PPP2R5E: variants seen among roughly 807,000 people sequenced by gnomAD.
The protein encoded by PPP2R5E is serine/threonine-protein phosphatase 2A 56 kDa regulatory subunit epsilon isoform.
In PPP2R5E, 4 loss-of-function variants were observed where a neutral mutation model predicts 65.3. The ratio of observed to expected loss-of-function variants is 0.06; its 90% CI spans 0.03 to 0.14. PPP2R5E has a LOEUF of 0.14. PPP2R5E is among the 10% of genes least tolerant of loss of function. The pLI, the probability that PPP2R5E is intolerant of heterozygous loss-of-function variation, is 1.00. For synonymous variants in PPP2R5E, 183 were observed against 187.4 expected, an observed-to-expected ratio of 0.98 and a Z score of 0.19; for missense variants, 274 against 556.1, an observed-to-expected ratio of 0.49 and a Z score of 5.10.
chr14:63,483,530 C>T (rs1890816937), intron 2 of PPP2R5E, among the ~76,000 whole-genome samples: 1 of 152,162 alleles, frequency 6.6e-6, no homozygotes, highest in Non-Finnish European at 1.5e-5. Context: ...GTACACAGCG[C>T]ATTCACGGCA....
chr14:63,520,874 AAAAAAAAAAAAAC>A (rs1369696490), intron 2 of PPP2R5E, among the ~76,000 whole-genome samples: 13 of 103,238 alleles, frequency 1.3e-4, no homozygotes, highest in African/African-American at 6.7e-4. Flanking sequence ...AAAAAAAAAA[AAAAAAAAAAAAAC>A]AATTAGCCGG....
intron 2 of PPP2R5E, among the ~76,000 whole-genome samples, chr14:63,524,863 C>T (rs369527215): frequency 2.6e-5 from 4 of 152,296 alleles, no homozygotes; most frequent in Admixed American, 6.5e-5. Context: ...TTTCTCACCA[C>T]CTTCAGTCTC....
At chr14:63,513,356 T>G (rs1028931156) in intron 2 of PPP2R5E, among the ~76,000 whole-genome samples, 1 of 152,160 alleles carries the variant, frequency 6.6e-6, no homozygotes, top group Non-Finnish European at 1.5e-5. Context: ...AATGAAGAAC[T>G]TGGAAAATGA....
chr14:63,412,538 AG>A (rs1489582767), intron 5 of PPP2R5E, among the ~76,000 whole-genome samples: 2 of 152,226 alleles, frequency 1.3e-5, no homozygotes, highest in African/African-American at 4.8e-5. Flanking sequence ...AGGATACTGA[AG>A]GCTTCAAAAC....
chr14:63,526,512 GTCTC>G (rs368772506), intron 2 of PPP2R5E, among the ~76,000 whole-genome samples: 1 of 151,938 alleles, frequency 6.6e-6, no homozygotes, highest in Non-Finnish European at 1.5e-5. Flanking sequence ...CTGTCTCTCT[GTCTC>G]TCTTTCTCTT....
intron 5 of PPP2R5E, among the ~76,000 whole-genome samples, chr14:63,398,027 C>T (rs1048445586): frequency 1.3e-5 from 2 of 152,140 alleles, no homozygotes; most frequent in Non-Finnish European, 1.5e-5. Flanking sequence ...CCATGCCTGG[C>T]TGTGAATAAC....
At chr14:63,397,782 G>A (rs1397923811) in intron 5 of PPP2R5E, among the ~76,000 whole-genome samples, 2 of 148,814 alleles carry the variant, frequency 1.3e-5, no homozygotes, top group Admixed American at 6.7e-5. Context: ...GGAGTGCAGT[G>A]GCACGATCTC....
intron 2 of PPP2R5E, among the ~76,000 whole-genome samples, chr14:63,467,141 GC>G (rs1437864127): frequency 6.6e-6 from 1 of 151,350 alleles, no homozygotes; most frequent in Non-Finnish European, 1.5e-5. Flanking sequence ...CAGGAGAATG[GC>G]ATGGACCTGG....
chr14:63,521,114 C>T (rs1472154688), intron 2 of PPP2R5E, among the ~76,000 whole-genome samples: 1 of 152,160 alleles, frequency 6.6e-6, no homozygotes, highest in African/African-American at 2.4e-5. Context: ...AGTATGAATA[C>T]AGTCTACCAC....
At position 63,501,968 on chromosome 14, in the gene PPP2R5E, C is replaced by A. The variant is rs185860421; in HGVS notation, c.157+37561G>T. ...GGAGTGCAGTGGCGAGATCTCAGCT[C>A]ACTGCAGCCTCCACCTCCAAGGTTC... On this transcript the variant is annotated intron_variant, in intron 2 of 13. Coordinates refer to ENST00000337537, the MANE Select transcript of PPP2R5E (RefSeq NM_006246.5). 2.6e-3 allele frequency among the ~76,000 whole-genome samples: 393 copies of A among 152,282 alleles called. 1 individual carries two copies. The highest frequency in any genetic ancestry group is 6.8e-3 in the Middle Eastern group (2 of 294).
chr14:63,491,200 C>T (rs934151727), intron 2 of PPP2R5E, among the ~76,000 whole-genome samples: 3 of 151,570 alleles, frequency 2.0e-5, no homozygotes, highest in Non-Finnish European at 4.4e-5. Flanking sequence ...CATAAAGATA[C>T]GAACAATAAA....
chr14:63,459,002 T>C (rs923684378), intron 2 of PPP2R5E, among the ~76,000 whole-genome samples: 1 of 152,160 alleles, frequency 6.6e-6, no homozygotes, highest in African/African-American at 2.4e-5. Flanking sequence ...AACTTTCTCT[T>C]AAGATGTACA....
Position 63,419,331 on chromosome 14 carries a change from C to T in PPP2R5E, c.456+2662G>A, listed in dbSNP as rs181448370. Among the ~76,000 whole-genome samples the T allele has an allele frequency of 6.0e-4, 91 of 152,180 alleles. 1 individual carries two copies. The highest frequency in any genetic ancestry group is 2.0e-4 in the Admixed American group (3 of 15,288). ...GCAAAATGTGTTCCAGAAAAGGAAGCGTACTGCTAATTATGAAGTTAATAA... is the reference window on the plus strand; with the variant it reads ...GCAAAATGTGTTCCAGAAAAGGAAGTGTACTGCTAATTATGAAGTTAATAA... On this transcript the variant is annotated intron_variant, in intron 4 of 13. Coordinates refer to ENST00000337537, the MANE Select transcript of PPP2R5E (RefSeq NM_006246.5).
Position 63,395,242 on chromosome 14 carries a change from G to A in PPP2R5E, c.724C>T (p.Leu242=), listed in dbSNP as rs1251908856. Residue 242 remains leucine, a synonymous_variant, in exon 7 of 14, where the codon CTG becomes TTG. Coordinates refer to ENST00000337537, the MANE Select transcript of PPP2R5E (RefSeq NM_006246.5). ...CGTGCTCACCTTCCTAATATTTCCA[G>A]CAGTTCAGCTACACCATTGAAGTGT... The part of the protein sequence containing the change: ...TEHFNGVAEL[L]EILGSIINGF... The A allele has an allele frequency of 2.5e-6, 4 of 1,610,572 alleles. No individual in the cohort carries two copies. The highest frequency in any genetic ancestry group is 3.4e-6 in the Non-Finnish European group (4 of 1,177,462).
At chr14:63,503,731 C>T (rs74056132) in intron 2 of PPP2R5E, among the ~76,000 whole-genome samples, 20,363 of 152,112 alleles carry the variant, frequency 0.13, 1,491 homozygotes, top group African/African-American at 0.17. Flanking sequence ...TCATTAATAA[C>T]CTGTCTTCTC....
In PPP2R5E at chr14:63,375,926, A is replaced by C; in HGVS notation, c.*83T>G. 1 of 952,180 alleles carries C rather than the reference A, an allele frequency of 1.1e-6. No individual in the cohort carries two copies. Among genetic ancestry groups the C allele is most frequent in the East Asian group, 2.4e-5 (1 of 41,308 alleles). 59.0% of individuals were successfully genotyped at this position (952,180 alleles called of 1,614,324 possible). On this transcript the variant is annotated 3_prime_UTR_variant, in exon 14 of 14. Coordinates refer to ENST00000337537, the MANE Select transcript of PPP2R5E (RefSeq NM_006246.5). ...AAGGTGAAATCTACTGTAAAGTTGC[A>C]CAATACAGAAAACTGTTGCTCCATC... is the stretch of plus-strand genomic sequence containing the variant.
intron 2 of PPP2R5E, among the ~76,000 whole-genome samples, chr14:63,466,226 T>C (rs954619044): frequency 1.3e-5 from 2 of 150,874 alleles, no homozygotes; most frequent in African/African-American, 4.9e-5. Context: ...TAATTTATAG[T>C]TGATCAAAGA....
chr14:63,542,914 G>A lies in PPP2R5E; in HGVS notation c.-143C>T, dbSNP rs1161215401. On this transcript the variant is annotated 5_prime_UTR_variant, in exon 1 of 14. Transcript: ENST00000337537. ...GGTCCGGGCAGCTGCGGGGAGCCTGGGGCGACGGCTGTCCGGTACGGGGTC... is the reference window on the plus strand; with the variant it reads ...GGTCCGGGCAGCTGCGGGGAGCCTGAGGCGACGGCTGTCCGGTACGGGGTC... 1 of 152,966 alleles carries A rather than the reference G, an allele frequency of 6.5e-6. No homozygotes were observed. The highest frequency in any genetic ancestry group is 2.4e-5 in the African/African-American group (1 of 41,472). 9.5% of individuals were successfully genotyped at this position (152,966 alleles called of 1,614,324 possible). A position where few individuals can be genotyped will look rare whatever the true frequency, so the allele number is the denominator to read the frequency against.
intron 2 of PPP2R5E, among the ~76,000 whole-genome samples, chr14:63,463,917 CA>C (rs1183132867): frequency 1.3e-5 from 2 of 151,884 alleles, no homozygotes; most frequent in Admixed American, 6.6e-5. Flanking sequence ...TTAAAATAAA[CA>C]GAATGGTTTA....
Sources: gnomAD v4.1 joint callset for allele counts (sites outside exome capture counted in the v4.1 genomes callset) on GRCh38, gnomAD v4.1.1 for gene constraint, MANE v1.5 for transcripts, NCBI Gene and HGNC (gene_info 2026-07-23, HGNC 2026-07-21) for gene names.